Variants in DCUN1D4 observed in about 807,000 individuals in gnomAD.
DCUN1D4 encodes the protein defective in cullin neddylation 1 domain containing 4.
In DCUN1D4, 22 loss-of-function variants were observed where a neutral mutation model predicts 47.9. That is an observed-to-expected ratio of 0.46 (90% CI 0.33 to 0.66). The LOEUF is 0.66. Ranked by LOEUF, DCUN1D4 falls within the 30% of genes least tolerant of loss-of-function variation. The pLI is 0.02. For synonymous variants in DCUN1D4, 121 were observed against 112.2 expected, an observed-to-expected ratio of 1.08 and a Z score of -0.50; for missense variants, 301 against 340.8, an observed-to-expected ratio of 0.88 and a Z score of 0.92.
intron 1 of DCUN1D4, among the ~76,000 whole-genome samples, chr4:51,854,388 CAT>C (rs752362182): frequency 1.2e-4 from 19 of 152,122 alleles, no homozygotes; most frequent in Non-Finnish European, 2.4e-4. Flanking sequence ...TTTTTAAAAA[CAT>C]ATGTACTATG....
intron 5 of DCUN1D4, among the ~76,000 whole-genome samples, chr4:51,885,601 G>A (rs569065386): frequency 1.5e-4 from 23 of 152,306 alleles, no homozygotes; most frequent in Middle Eastern, 3.4e-3. Flanking sequence ...AAAGAGGCAA[G>A]TAGTTCAAAA....
At chr4:51,901,084 C>T (rs1732029356) in intron 8 of DCUN1D4, among the ~76,000 whole-genome samples, 1 of 152,138 alleles carries the variant, frequency 6.6e-6, no homozygotes, top group Non-Finnish European at 1.5e-5. Flanking sequence ...CTGGTAGCCT[C>T]ATGTCCACAT....
chr4:51,847,849 CTTCT>C (rs746260516), intron 1 of DCUN1D4, among the ~76,000 whole-genome samples: 1 of 152,108 alleles, frequency 6.6e-6, no homozygotes, highest in African/African-American at 2.4e-5. Flanking sequence ...GCAGTGCTTC[CTTCT>C]GTTACTCAGT....
At chr4:51,843,313 C>G in intron 1 of DCUN1D4, 46 bp downstream of exon 1, 1 of 1,499,664 alleles carries the variant, frequency 6.7e-7, no homozygotes, top group Non-Finnish European at 8.9e-7. Flanking sequence ...GGGCGGCTGC[C>G]AAACTCGCCA....
chr4:51,883,884 A>G (rs954377160), intron 5 of DCUN1D4, among the ~76,000 whole-genome samples: 14 of 151,792 alleles, frequency 9.2e-5, no homozygotes, highest in African/African-American at 2.7e-4. Flanking sequence ...TTTTATTTTC[A>G]AATGAAACTT....
upstream of DCUN1D4, among the ~76,000 whole-genome samples, chr4:51,842,833 G>T (rs1260585620): frequency 6.6e-6 from 1 of 152,228 alleles, no homozygotes. Context: ...CCCGCCACTG[G>T]GCGGGGTTTC....
chr4:51,852,228 GA>G lies in DCUN1D4; in HGVS notation c.25+8964del, dbSNP rs1184616138. On this transcript the variant is annotated intron_variant, in intron 1 of 10. Transcript: ENST00000334635. ...ACATTTAAAAACTGATTTTAAGTGGGAAACTGAAGAATTGTGGCAAAGTATT... is the reference window on the plus strand; with the variant it reads ...ACATTTAAAAACTGATTTTAAGTGGGAACTGAAGAATTGTGGCAAAGTATT... Among the ~76,000 whole-genome samples the G allele has an allele frequency of 3.9e-5, 6 of 152,210 alleles. No individual in the cohort carries two copies. In the East Asian group the frequency reaches 9.7e-4, roughly 25 times the overall value.
intron 5 of DCUN1D4, among the ~76,000 whole-genome samples, chr4:51,878,680 A>C (rs917019086): frequency 6.6e-6 from 1 of 152,208 alleles, no homozygotes; most frequent in South Asian, 2.1e-4. Flanking sequence ...CTGCAGGATA[A>C]AAGAGAGTGA....
chr4:51,904,270 A>G (rs1426366390), intron 8 of DCUN1D4, among the ~76,000 whole-genome samples: 1 of 152,104 alleles, frequency 6.6e-6, no homozygotes, highest in Non-Finnish European at 1.5e-5. Flanking sequence ...CTTGTGTGCT[A>G]TGAGATCTTT....
intron 7 of DCUN1D4, among the ~76,000 whole-genome samples, chr4:51,896,149 G>A (rs1057009000): frequency 3.9e-5 from 6 of 152,182 alleles, no homozygotes; most frequent in Non-Finnish European, 8.8e-5. Context: ...ATGGGTACCA[G>A]AGTTAGTAAT....
At chr4:51,842,973 A>G (rs1721834255), upstream of DCUN1D4, 3 of 1,063,472 alleles carry the variant, frequency 2.8e-6, no homozygotes, top group Non-Finnish European at 3.7e-6. Context: ...TTACGGAGAC[A>G]AGGCCCCAGG....
rs571242622 is a variant in DCUN1D4, at chr4:51,843,464, G to A, written c.25+197G>A. ...GCGTGGGGCGGGGGCGGGCGTGGGGGGAAGGGACCGGCCTGCGGGGAGGGC... is the reference window on the plus strand; with the variant it reads ...GCGTGGGGCGGGGGCGGGCGTGGGGAGAAGGGACCGGCCTGCGGGGAGGGC... On this transcript the variant is annotated intron_variant, in intron 1 of 10. Transcript: ENST00000334635. 8.2e-5 allele frequency: 102 copies of A among 1,248,298 alleles called. No homozygotes were observed. In the African/African-American group the frequency reaches 1.5e-3, roughly 19 times the overall value. 77.3% of individuals were successfully genotyped at this position (1,248,298 alleles called of 1,614,324 possible).
intron 1 of DCUN1D4, among the ~76,000 whole-genome samples, chr4:51,850,672 G>C (rs184994090): frequency 3.7e-4 from 57 of 152,092 alleles, no homozygotes; most frequent in African/African-American, 1.3e-3. Context: ...ATAGTAACAA[G>C]TAAATTGTGT....
intron 1 of DCUN1D4, among the ~76,000 whole-genome samples, chr4:51,861,712 G>C (rs545852316): frequency 1.3e-5 from 2 of 152,202 alleles, no homozygotes; most frequent in East Asian, 3.9e-4. Flanking sequence ...GGGGGCCCAA[G>C]AGTTTAACTT....
At chr4:51,879,793 C>T (rs10012938) in intron 5 of DCUN1D4, among the ~76,000 whole-genome samples, 46,083 of 152,116 alleles carry the variant, frequency 0.3, 8,115 homozygotes, top group East Asian at 0.6. Context: ...CACTTAATCC[C>T]ATCACCATAG....
chr4:51,860,285 A>G (rs1724845089), intron 1 of DCUN1D4, among the ~76,000 whole-genome samples: 1 of 152,118 alleles, frequency 6.6e-6, no homozygotes, highest in South Asian at 2.1e-4. Context: ...ATAATTGGTG[A>G]CATATATTAT....
intron 1 of DCUN1D4, among the ~76,000 whole-genome samples, chr4:51,847,514 C>T (rs1228942119): frequency 2.6e-5 from 4 of 152,166 alleles, no homozygotes; most frequent in African/African-American, 9.7e-5. Context: ...GAGATTGCAT[C>T]TCTTCCCATG....
chr4:51,848,244 G>C, intron 1 of DCUN1D4: 2 of 1,289,328 alleles, frequency 1.6e-6, no homozygotes, highest in African/African-American at 1.5e-5. Flanking sequence ...AAATTCTCAA[G>C]GAAAGAGTAA....
chr4:51,834,969 A>T, the DCUN1D4 span, among the ~76,000 whole-genome samples: 1 of 152,200 alleles, frequency 6.6e-6, no homozygotes, highest in East Asian at 1.9e-4. Context: ...CCATACCCTG[A>T]TATTGGGGAA....
Sources: allele counts gnomAD v4.1 joint callset (sites outside exome capture counted in the v4.1 genomes callset), GRCh38; gene constraint gnomAD v4.1.1; transcripts MANE v1.5; gene names NCBI Gene and HGNC (gene_info 2026-07-23, HGNC 2026-07-21).